Variants in RCSD1 observed in about 807,000 individuals in gnomAD.
The protein encoded by RCSD1 is capZ-interacting protein.
A neutral mutation model predicts 42.5 loss-of-function variants in RCSD1; 26 were observed. The observed-to-expected ratio is 0.61, with a 90% CI of 0.45 to 0.85. The LOEUF is 0.85. Among genes scored for constraint, RCSD1 ranks in the 40% least tolerant of loss-of-function variants. The probability of loss-of-function intolerance (pLI) is 0.00; values close to 1 mark genes in which losing one functional copy is unlikely to be tolerated. For synonymous variants in RCSD1, 220 were observed against 212.2 expected (o/e 1.04, Z -0.32); for missense variants, 571 against 528.3 (o/e 1.08, Z -0.79).
In RCSD1 at chr1:167,690,626, G is replaced by T. The variant is rs76499101; in HGVS notation, c.270+506G>T. On this transcript the variant is annotated intron_variant, in intron 4 of 6. Coordinates refer to ENST00000367854, the MANE Select transcript of RCSD1 (RefSeq NM_052862.4). ...GAGGTTGAGACTGTATTGAGCTGAG[G>T]TCACTTCACTACACTCCAGCCTGAG... 6.9e-3 allele frequency among the ~76,000 whole-genome samples: 1,056 copies of T among 152,126 alleles called. 11 individuals carry two copies. Among genetic ancestry groups the T allele is most frequent in the African/African-American group, 0.024 (999 of 41,498 alleles).
chr1:167,632,295 C>A (rs1028134003), intron 1 of RCSD1, among the ~76,000 whole-genome samples: 2 of 152,202 alleles, frequency 1.3e-5, no homozygotes, highest in African/African-American at 4.8e-5. Context: ...GATGTATGGC[C>A]TGTCTAACCT....
At chr1:167,651,245 G>C (rs576888338) in intron 1 of RCSD1, among the ~76,000 whole-genome samples, 2 of 152,322 alleles carry the variant, frequency 1.3e-5, no homozygotes, top group African/African-American at 4.8e-5. Flanking sequence ...AATGCCACCA[G>C]CCTGGAGCCT....
chr1:167,672,997 C>T (rs1658848773), intron 1 of RCSD1, among the ~76,000 whole-genome samples: 1 of 152,084 alleles, frequency 6.6e-6, no homozygotes. Context: ...TATTTTGATC[C>T]CATTTTACAG....
At chr1:167,660,458 C>T (rs2102213566) in intron 1 of RCSD1, among the ~76,000 whole-genome samples, 1 of 151,520 alleles carries the variant, frequency 6.6e-6, no homozygotes, top group East Asian at 1.9e-4. Flanking sequence ...ACCATTGGCT[C>T]CTTAATTCAC....
At chr1:167,676,226 TCTGGCTCAAAGC>T (rs1166544682) in intron 1 of RCSD1, among the ~76,000 whole-genome samples, 1 of 152,188 alleles carries the variant, frequency 6.6e-6, no homozygotes, top group Admixed American at 6.5e-5. Context: ...ACCCAGACAG[TCTGGCTCAAAGC>T]CTGAGCTCTG....
intron 1 of RCSD1, among the ~76,000 whole-genome samples, chr1:167,651,344 T>A (rs1341811391): frequency 6.6e-6 from 1 of 152,310 alleles, no homozygotes; most frequent in East Asian, 1.9e-4. Context: ...ACACCCGATC[T>A]GTACTGGAGT....
intron 1 of RCSD1, among the ~76,000 whole-genome samples, chr1:167,661,550 G>A (rs1658542968): frequency 2.0e-5 from 3 of 152,226 alleles, no homozygotes; most frequent in East Asian, 1.9e-4. Flanking sequence ...TGTAGTGGCT[G>A]GAAGCCACTA....
intron 3 of RCSD1, among the ~76,000 whole-genome samples, chr1:167,686,536 A>G (rs566676806): frequency 6.6e-6 from 1 of 152,366 alleles, no homozygotes; most frequent in South Asian, 2.1e-4. Context: ...GCCAAGTGAG[A>G]TGGGGGAGGG....
chr1:167,689,408 G>A (rs763154758), intron 3 of RCSD1, among the ~76,000 whole-genome samples: 4 of 151,404 alleles, frequency 2.6e-5, no homozygotes, highest in African/African-American at 9.7e-5. Flanking sequence ...CTTGAACCCA[G>A]GAGGCGAAGG....
chr1:167,637,489 G>A (rs1316898712), intron 1 of RCSD1, among the ~76,000 whole-genome samples: 2 of 152,128 alleles, frequency 1.3e-5, no homozygotes, highest in African/African-American at 2.4e-5. Flanking sequence ...CCTGTGCTGG[G>A]GATTCCTCCA....
At chr1:167,662,413 CTCTT>C (rs1658559719) in intron 1 of RCSD1, among the ~76,000 whole-genome samples, 3 of 152,150 alleles carry the variant, frequency 2.0e-5, no homozygotes, top group Non-Finnish European at 4.4e-5. Context: ...CTCTCTTTCT[CTCTT>C]TCTCTTTCTG....
At chr1:167,684,029 C>T (rs1659154394) in intron 2 of RCSD1, 28 bp downstream of exon 2, 1 of 1,566,940 alleles carries the variant, frequency 6.4e-7, no homozygotes, top group African/African-American at 1.3e-5. Flanking sequence ...AGAGCAGCCT[C>T]TTCAGCAGCG....
chr1:167,704,739 T>C lies in RCSD1; in HGVS notation c.*43T>C. 6.3e-7 allele frequency: 1 copy of C among 1,593,996 alleles called. No individual in the cohort carries two copies. Among genetic ancestry groups the C allele is most frequent in the African/African-American group, 1.3e-5 (1 of 74,624 alleles). ...CCCAGTGATGAAGTTGCTGGACACA[T>C]CTCTTTGCAGGTAGCAGCAACAGTT... On this transcript the variant is annotated 3_prime_UTR_variant, in exon 7 of 7. Transcript: ENST00000367854.
In RCSD1 at chr1:167,698,126, G is replaced by A. The variant is rs115777674; in HGVS notation, c.1218+284G>A. On this transcript the variant is annotated intron_variant, in intron 6 of 6. Transcript: ENST00000367854. The stretch of plus-strand genomic sequence containing the variant: ...TGTGTGAGTGACCGAGCCTCGGCAC[G>A]GCTCAGTAACTGAGGCCTGCAAGCA... 4.8e-3 allele frequency among the ~76,000 whole-genome samples: 734 copies of A among 152,310 alleles called. 3 individuals carry two copies. The highest frequency in any genetic ancestry group is 8.3e-3 in the Non-Finnish European group (567 of 68,010).
intron 1 of RCSD1, among the ~76,000 whole-genome samples, chr1:167,669,650 G>A (rs1378939273): frequency 6.6e-6 from 1 of 152,250 alleles, no homozygotes; most frequent in Non-Finnish European, 1.5e-5. Context: ...GGATGTTGCA[G>A]CTACTGAATT....
At chr1:167,647,421 G>T (rs1371705276) in intron 1 of RCSD1, among the ~76,000 whole-genome samples, 1 of 137,618 alleles carries the variant, frequency 7.3e-6, no homozygotes, top group South Asian at 2.2e-4. Flanking sequence ...AGACCCCATC[G>T]CTACAAAAAA....
intron 3 of RCSD1, among the ~76,000 whole-genome samples, chr1:167,686,220 T>C (rs760404484): frequency 1.7e-4 from 26 of 152,166 alleles, no homozygotes; most frequent in Non-Finnish European, 2.8e-4. Flanking sequence ...CAGAAATGGA[T>C]TTGTATGTTC....
chr1:167,656,843 AG>A (rs1658436219), intron 1 of RCSD1, among the ~76,000 whole-genome samples: 1 of 152,208 alleles, frequency 6.6e-6, no homozygotes, highest in Admixed American at 6.5e-5. Context: ...TCTGCTCTAA[AG>A]GGGGTCATTG....
At chr1:167,693,805 A>G (rs776188993) in intron 4 of RCSD1, among the ~76,000 whole-genome samples, 7 of 152,184 alleles carry the variant, frequency 4.6e-5, no homozygotes, top group Non-Finnish European at 1.0e-4. Flanking sequence ...CTGCTTCGCC[A>G]CTTTGTTGAT....
Sources: gnomAD v4.1 joint callset for allele counts (sites outside exome capture counted in the v4.1 genomes callset) on GRCh38, gnomAD v4.1.1 for gene constraint, MANE v1.5 for transcripts, NCBI Gene and HGNC (gene_info 2026-07-23, HGNC 2026-07-21) for gene names.